EPB41L3: variants seen among roughly 807,000 people sequenced by gnomAD.
EPB41L3 encodes band 4.1-like protein 3.
In EPB41L3, 57 loss-of-function variants were observed where a neutral mutation model predicts 127.1. The observed-to-expected ratio is 0.45, with a 90% CI of 0.36 to 0.56. EPB41L3 has a LOEUF of 0.56. EPB41L3 is among the 20% of genes least tolerant of loss of function. EPB41L3 has a pLI of 0.00. For synonymous variants in EPB41L3, 572 were observed against 549.5 expected, an observed-to-expected ratio of 1.04 and a Z score of -0.57; for missense variants, 1,273 against 1,372.2, an observed-to-expected ratio of 0.93 and a Z score of 1.14.
At chr18:5,474,100 G>T (rs1027469758) in intron 3 of EPB41L3, among the ~76,000 whole-genome samples, 1 of 151,916 alleles carries the variant, frequency 6.6e-6, no homozygotes, top group Non-Finnish European at 1.5e-5. Flanking sequence ...GCGTGGTGGT[G>T]GGCGCCTGTA....
intron 3 of EPB41L3, among the ~76,000 whole-genome samples, chr18:5,591,451 T>G (rs2094485474): frequency 6.6e-6 from 1 of 152,192 alleles, no homozygotes; most frequent in South Asian, 2.1e-4. Flanking sequence ...TTGGGCCCAC[T>G]TTATAAAGGC....
intron 3 of EPB41L3, among the ~76,000 whole-genome samples, chr18:5,583,414 A>T (rs2094413494): frequency 6.6e-6 from 1 of 152,208 alleles, no homozygotes; most frequent in South Asian, 2.1e-4. Context: ...ATGACTCTTT[A>T]ACCGGAACCA....
At chr18:5,491,431 G>A (rs2090582401) in intron 1 of EPB41L3, among the ~76,000 whole-genome samples, 2 of 152,170 alleles carry the variant, frequency 1.3e-5, no homozygotes, top group African/African-American at 2.4e-5. Flanking sequence ...CAGCCTAGTC[G>A]GGAAACCGTT....
intron 3 of EPB41L3, among the ~76,000 whole-genome samples, chr18:5,465,989 GA>G (rs1217639154): frequency 1.3e-5 from 2 of 151,032 alleles, no homozygotes; most frequent in African/African-American, 2.4e-5. Flanking sequence ...AAAAAAGTAG[GA>G]AAAAAACTAT....
At chr18:5,408,262 T>C (rs988781702) in intron 14 of EPB41L3, among the ~76,000 whole-genome samples, 1 of 67,158 alleles carries the variant, frequency 1.5e-5, no homozygotes, top group African/African-American at 3.4e-5. Context: ...CTTGATTTTC[T>C]TTTCTTTTTT....
intron 3 of EPB41L3, among the ~76,000 whole-genome samples, chr18:5,566,078 C>T (rs987729382): frequency 3.9e-5 from 6 of 152,282 alleles, no homozygotes; most frequent in African/African-American, 1.4e-4. Context: ...CCTCTCTCAC[C>T]ACTCCTATTC....
intron 9 of EPB41L3, among the ~76,000 whole-genome samples, chr18:5,427,643 A>T (rs1309747705): frequency 6.6e-6 from 1 of 152,232 alleles, no homozygotes; most frequent in African/African-American, 2.4e-5. Flanking sequence ...GTACAACCAG[A>T]TTTGCAGGAC....
chr18:5,620,986 G>A (rs1346057307), intron 1 of EPB41L3, among the ~76,000 whole-genome samples: 2 of 152,190 alleles, frequency 1.3e-5, no homozygotes, highest in East Asian at 3.9e-4. Flanking sequence ...TTACAAGTTG[G>A]TAACCCTTGT....
intron 8 of EPB41L3, among the ~76,000 whole-genome samples, chr18:5,433,267 G>C (rs745828528): frequency 1.3e-5 from 2 of 152,186 alleles, no homozygotes; most frequent in Non-Finnish European, 2.9e-5. Context: ...GCAAGTTTGA[G>C]ACACAAAGAG....
At chr18:5,545,243 C>T (rs542030389), upstream of EPB41L3, among the ~76,000 whole-genome samples, 31 of 152,204 alleles carry the variant, frequency 2.0e-4, no homozygotes, top group African/African-American at 7.5e-4. Context: ...CCAAATCATC[C>T]GGTTGCCCCT....
intron 3 of EPB41L3, among the ~76,000 whole-genome samples, chr18:5,562,361 T>C (rs1401490502): frequency 6.6e-6 from 1 of 152,064 alleles, no homozygotes; most frequent in Non-Finnish European, 1.5e-5. Flanking sequence ...TGTGTCCACA[T>C]TGAGTGGTAA....
chr18:5,489,651 C>T (rs1011591553), intron 1 of EPB41L3, among the ~76,000 whole-genome samples: 8 of 152,224 alleles, frequency 5.3e-5, no homozygotes, highest in Non-Finnish European at 1.0e-4. Context: ...TCCCAACCCC[C>T]TGAATCTACA....
At chr18:5,492,314 G>A (rs2090698169) in intron 1 of EPB41L3, among the ~76,000 whole-genome samples, 1 of 146,322 alleles carries the variant, frequency 6.8e-6, no homozygotes, top group Admixed American at 6.6e-5. Flanking sequence ...AGAGAGACTC[G>A]GTCTCAAAAA....
intron 6 of EPB41L3, among the ~76,000 whole-genome samples, 198 bp downstream of exon 6, chr18:5,437,837 C>T (rs1188875547): frequency 6.6e-6 from 1 of 152,180 alleles, no homozygotes; most frequent in Non-Finnish European, 1.5e-5. Context: ...ATCAGCCTGG[C>T]ACCAAAGATT....
At chr18:5,436,456 T>C (rs935001234) in intron 6 of EPB41L3, among the ~76,000 whole-genome samples, 2 of 143,414 alleles carry the variant, frequency 1.4e-5, no homozygotes, top group Non-Finnish European at 3.0e-5. Flanking sequence ...TTGCCCAGGC[T>C]GGAGTGCAGT....
intron 1 of EPB41L3, among the ~76,000 whole-genome samples, chr18:5,516,680 A>C (rs763355025): frequency 2.6e-5 from 4 of 152,206 alleles, no homozygotes; most frequent in Non-Finnish European, 5.9e-5. Context: ...TAAGCAAAAT[A>C]ATTAACAAGA....
intron 13 of EPB41L3, 71 bp from the exon 14 acceptor site, chr18:5,410,690 C>G: frequency 1.6e-6 from 2 of 1,250,204 alleles, no homozygotes; most frequent in Non-Finnish European, 2.3e-6. Flanking sequence ...TGGTTAAACA[C>G]GCTCTGGCAC....
At chr18:5,590,778 ACC>A (rs2094478529) in intron 3 of EPB41L3, among the ~76,000 whole-genome samples, 1 of 152,228 alleles carries the variant, frequency 6.6e-6, no homozygotes, top group Non-Finnish European at 1.5e-5. Context: ...CAAAGGTGCT[ACC>A]TGAATGAAAG....
rs2076734352 is a variant in EPB41L3, at chr18:5,415,850, C to T, written c.2035G>A (p.Asp679Asn). Residue 679 changes from aspartate to asparagine, a missense_variant, in exon 13 of 23, where the codon GAC becomes AAC. Around this residue, in one of 3 missense-constraint regions of EPB41L3, gnomAD observed 765 missense variants for 782.9 expected, o/e 0.98. Transcript: ENST00000341928. ...TCTGAACTGTCACTCGGGTCATTGT[C>T]TAGGGAGGCGCTCAAGGAGGCCGCC... The part of the protein sequence containing the change: ...PKAASLSASL[D>N]NDPSDSSEEE... The T allele has an allele frequency of 1.2e-6, 2 of 1,613,190 alleles. No individual in the cohort carries two copies. The highest frequency in any genetic ancestry group is 4.5e-5 in the East Asian group (2 of 44,870).
Sources: allele counts gnomAD v4.1 joint callset (sites outside exome capture counted in the v4.1 genomes callset), GRCh38; gene constraint gnomAD v4.1.1; regional missense constraint gnomAD v4.1.1; transcripts MANE v1.5; gene names NCBI Gene and HGNC (gene_info 2026-07-23, HGNC 2026-07-21).